Variants in INPP5D observed in about 807,000 individuals in gnomAD.
INPP5D encodes inositol polyphosphate-5-phosphatase D.
Under a neutral mutation model 122.9 loss-of-function variants are expected in INPP5D, and 33 were observed. The observed-to-expected ratio is 0.27, with a 90% CI of 0.20 to 0.36. The LOEUF (loss-of-function observed/expected upper bound fraction) is 0.36, where lower values mean the gene tolerates loss of function less well. Ranked by LOEUF, INPP5D falls within the 10% of genes least tolerant of loss-of-function variation. The pLI is 1.00. For missense variants in INPP5D, 1,053 were observed against 1,412.7 expected (o/e 0.75, Z 4.08); for synonymous variants, 584 against 576.2 (o/e 1.01, Z -0.19).
At chr2:233,191,805 G>A (rs771535390) in intron 22 of INPP5D, among the ~76,000 whole-genome samples, 1 of 152,200 alleles carries the variant, frequency 6.6e-6, no homozygotes, top group Non-Finnish European at 1.5e-5. Flanking sequence ...ATTTATCCAC[G>A]TGCTTATTTA....
At chr2:233,101,577 A>G (rs1692311792) in intron 2 of INPP5D, among the ~76,000 whole-genome samples, 1 of 147,004 alleles carries the variant, frequency 6.8e-6, no homozygotes, top group Non-Finnish European at 1.5e-5. Context: ...TATGTCATAT[A>G]ACATTATTAA....
At chr2:233,060,679 G>A (rs1691047461) in intron 1 of INPP5D, 67 bp downstream of exon 1, 6 of 1,588,878 alleles carry the variant, frequency 3.8e-6, no homozygotes, top group Non-Finnish European at 5.2e-6. Context: ...GCCCAGCTTT[G>A]AGATGGGTTG....
chr2:233,114,228 A>C (rs1274326310), intron 2 of INPP5D, among the ~76,000 whole-genome samples: 2 of 152,206 alleles, frequency 1.3e-5, no homozygotes, highest in Admixed American at 1.3e-4. Flanking sequence ...CACTCTTAAG[A>C]CAAAACTCAA....
chr2:233,104,802 G>T (rs1013602232), intron 2 of INPP5D, among the ~76,000 whole-genome samples: 3 of 152,116 alleles, frequency 2.0e-5, no homozygotes, highest in South Asian at 2.1e-4. Flanking sequence ...CATAGGTCAG[G>T]TTCTTCCAGA....
At chr2:233,171,184 C>T (rs1159948112) in intron 17 of INPP5D, 32 bp downstream of exon 17, 10 of 1,610,072 alleles carry the variant, frequency 6.2e-6, no homozygotes, top group Non-Finnish European at 7.6e-6. Flanking sequence ...CTTCCCTGCC[C>T]TCCATCTCCT....
chr2:233,173,034 C>A (rs989248783), intron 17 of INPP5D, among the ~76,000 whole-genome samples: 5 of 152,060 alleles, frequency 3.3e-5, no homozygotes, highest in African/African-American at 1.2e-4. Flanking sequence ...CACGGTGAAA[C>A]CTTGTCTCTA....
intron 1 of INPP5D, among the ~76,000 whole-genome samples, chr2:233,073,324 C>T (rs1691429900): frequency 6.6e-6 from 1 of 152,140 alleles, no homozygotes; most frequent in African/African-American, 2.4e-5. Context: ...ATCTCTTCTG[C>T]TTTTTGTTTT....
At chr2:233,064,298 A>G (rs1691152547) in intron 1 of INPP5D, among the ~76,000 whole-genome samples, 2 of 152,254 alleles carry the variant, frequency 1.3e-5, no homozygotes, top group South Asian at 4.1e-4. Context: ...CTCAGAACCC[A>G]GTGCCTGGTC....
intron 2 of INPP5D, among the ~76,000 whole-genome samples, chr2:233,094,102 C>G (rs150980514): frequency 1.8e-4 from 27 of 151,778 alleles, no homozygotes; most frequent in East Asian, 1.2e-3. Flanking sequence ...CCCTCCCCCC[C>G]CAAAAAAGAG....
intron 24 of INPP5D, among the ~76,000 whole-genome samples, chr2:233,196,324 G>A (rs902534861): frequency 8.5e-5 from 13 of 152,190 alleles, no homozygotes; most frequent in East Asian, 1.9e-4. Context: ...CTAATGTGAC[G>A]GAAAGTTCAG....
chr2:233,192,242 C>T (rs766779791), intron 22 of INPP5D, among the ~76,000 whole-genome samples: 5 of 152,222 alleles, frequency 3.3e-5, no homozygotes, highest in South Asian at 2.1e-4. Flanking sequence ...GCAAAACACA[C>T]GCTTCATTTT....
intron 2 of INPP5D, among the ~76,000 whole-genome samples, chr2:233,107,221 G>A (rs1463971619): frequency 6.6e-6 from 1 of 152,176 alleles, no homozygotes; most frequent in Non-Finnish European, 1.5e-5. Flanking sequence ...GGGGTAGGCA[G>A]GGACCCAGCC....
Position 233,193,801 on chromosome 2 carries a change from T to C in INPP5D, c.2447-11T>C. The C allele has an allele frequency of 6.2e-7, 1 of 1,613,888 alleles. No individual in the cohort carries two copies. Among genetic ancestry groups the C allele is most frequent in the Non-Finnish European group, 8.5e-7 (1 of 1,179,888 alleles). ...GGGTCTTCACCCAGCTGTCTCCCAC[T>C]TTCCCTGCAGGCGAGGGCTGCATTG... is the stretch of plus-strand genomic sequence containing the variant. On this transcript the variant is annotated splice_polypyrimidine_tract_variant and intron_variant, in intron 22 of 26. Coordinates refer to ENST00000445964, the MANE Select transcript of INPP5D (RefSeq NM_001017915.3).
At chr2:233,141,340 G>C (rs1227486059) in intron 6 of INPP5D, 1 of 152,208 alleles carries the variant, frequency 6.6e-6, no homozygotes, top group African/African-American at 2.4e-5. Context: ...GCCGAAGCGG[G>C]TGGATCACCT....
intron 3 of INPP5D, 32 bp from the exon 4 acceptor site, chr2:233,125,713 C>T: frequency 1.9e-6 from 3 of 1,594,492 alleles, no homozygotes; most frequent in African/African-American, 1.3e-5. Flanking sequence ...GCACAGTGTC[C>T]TCACCAATGG....
intron 2 of INPP5D, among the ~76,000 whole-genome samples, chr2:233,120,974 T>A (rs539891848): frequency 1.4e-3 from 218 of 152,172 alleles, no homozygotes; most frequent in African/African-American, 5.0e-3. Flanking sequence ...GTGTTTTTTT[T>A]AAAAAAAGTT....
At chr2:233,204,991 G>A (rs193130488) in intron 26 of INPP5D, 16 of 448,026 alleles carry the variant, frequency 3.6e-5, no homozygotes, top group Non-Finnish European at 5.4e-5. Context: ...GAAGAAAGGC[G>A]GGGCTGTGGA....
intron 17 of INPP5D, among the ~76,000 whole-genome samples, chr2:233,172,344 G>A (rs975345104): frequency 2.6e-5 from 4 of 152,200 alleles, no homozygotes; most frequent in Non-Finnish European, 5.9e-5. Context: ...AAGCTCTGCC[G>A]GGCACTGGTG....
chr2:233,197,001 T>C lies in INPP5D; in HGVS notation c.2694-1094T>C, dbSNP rs1695202173. ...CAGCAAATGCATCCTGGCTCTGAAGTGTCTACTGTGTTCCAGAATCAGGAT... is the reference window on the plus strand; with the variant it reads ...CAGCAAATGCATCCTGGCTCTGAAGCGTCTACTGTGTTCCAGAATCAGGAT... On this transcript the variant is annotated intron_variant, in intron 24 of 26. Transcript: ENST00000445964. This position sits in a 1 kb window ranked among gnomAD's most constrained non-coding sequence, Gnocchi z 4.4. Among the ~76,000 whole-genome samples the C allele has an allele frequency of 6.6e-6, 1 of 152,240 alleles. No homozygotes were observed. Among genetic ancestry groups the C allele is most frequent in the Non-Finnish European group, 1.5e-5 (1 of 68,040 alleles).
Sources: gnomAD v4.1 joint callset for allele counts (sites outside exome capture counted in the v4.1 genomes callset) on GRCh38, gnomAD v4.1.1 for gene constraint, Gnocchi (gnomAD v3.1) non-coding constraint, MANE v1.5 for transcripts, NCBI Gene and HGNC (gene_info 2026-07-23, HGNC 2026-07-21) for gene names.